CTDP1: variants seen among roughly 807,000 people sequenced by gnomAD.
The protein encoded by CTDP1 is RNA polymerase II subunit A C-terminal domain phosphatase.
A neutral mutation model predicts 91.8 loss-of-function variants in CTDP1; 47 were observed. That is an observed-to-expected ratio of 0.51 (90% CI 0.41 to 0.65). The LOEUF (loss-of-function observed/expected upper bound fraction) is 0.65, where lower values mean the gene tolerates loss of function less well. Ranked by LOEUF, CTDP1 falls within the 30% of genes least tolerant of loss-of-function variation. CTDP1 has a pLI of 0.00. For missense variants in CTDP1, 1,272 were observed against 1,373.7 expected (o/e 0.93, Z 1.17); for synonymous variants, 656 against 598.5 (o/e 1.10, Z -1.40).
intron 12 of CTDP1, among the ~76,000 whole-genome samples, chr18:79,741,355 T>C (rs1450880404): frequency 1.3e-5 from 2 of 152,238 alleles, no homozygotes; most frequent in Non-Finnish European, 2.9e-5. Flanking sequence ...CTTTAAAATA[T>C]ACCATAGCCT....
At chr18:79,676,852 C>T (rs1277046510), upstream of CTDP1, among the ~76,000 whole-genome samples, 1 of 152,172 alleles carries the variant, frequency 6.6e-6, no homozygotes, top group Non-Finnish European at 1.5e-5. Context: ...TCTCATGATA[C>T]TTGTAAGATA....
rs977135627 is a variant in CTDP1, at chr18:79,753,974, G to T, written c.*184G>T. 2 of 827,300 alleles carry T rather than the reference G, an allele frequency of 2.4e-6. No individual in the cohort carries two copies. The highest frequency in any genetic ancestry group is 3.4e-5 in the African/African-American group (2 of 58,680). The allele number at this position is 827,300 out of a possible 1,614,324, so 51.2% of individuals were successfully genotyped here. A position where few individuals can be genotyped will look rare whatever the true frequency, so the allele number is the denominator to read the frequency against. On this transcript the variant is annotated 3_prime_UTR_variant, in exon 13 of 13. Coordinates refer to ENST00000613122, the MANE Select transcript of CTDP1 (RefSeq NM_004715.5). The stretch of plus-strand genomic sequence containing the variant: ...GTGTTTTTAAGAAGTTTTACTACAG[G>T]AATGTCTACTTTTGTAAGTGACAGG...
At chr18:79,725,369 C>T (rs2086425415) in intron 10 of CTDP1, among the ~76,000 whole-genome samples, 1 of 152,166 alleles carries the variant, frequency 6.6e-6, no homozygotes. Context: ...GAGAATTCTC[C>T]AGTGAGACCG....
At chr18:79,710,859 C>G (rs1041919068) in intron 6 of CTDP1, among the ~76,000 whole-genome samples, 7 of 152,096 alleles carry the variant, frequency 4.6e-5, no homozygotes, top group African/African-American at 1.7e-4. Context: ...AGCAGTATTT[C>G]TGTATTGATG....
At chr18:79,686,990 C>A (rs12963374) in intron 1 of CTDP1, among the ~76,000 whole-genome samples, 8,922 of 77,882 alleles carry the variant, frequency 0.11, 44 homozygotes, top group African/African-American at 0.26. Flanking sequence ...ACTGGTGGGC[C>A]TGCACCGCAG....
intron 11 of CTDP1, chr18:79,736,138 G>A (rs1414949134): frequency 2.3e-5 from 14 of 618,798 alleles, no homozygotes; most frequent in Admixed American, 1.4e-4. Context: ...CCTGCGAACC[G>A]ACTGGGTTTG....
intron 3 of CTDP1, among the ~76,000 whole-genome samples, chr18:79,696,914 A>G (rs1344413814): frequency 1.3e-5 from 2 of 152,146 alleles, no homozygotes; most frequent in African/African-American, 2.4e-5. Flanking sequence ...GATCTTACAG[A>G]CTTTCAGGGC....
chr18:79,678,057 A>G (rs1007512837), upstream of CTDP1: 3 of 152,216 alleles, frequency 2.0e-5, no homozygotes, highest in Non-Finnish European at 2.9e-5. Context: ...ATAGTCAAAA[A>G]CCCACAGCTA....
intron 1 of CTDP1, among the ~76,000 whole-genome samples, chr18:79,687,984 G>A (rs1233662569): frequency 1.3e-5 from 2 of 152,340 alleles, no homozygotes; most frequent in East Asian, 1.9e-4. Context: ...TTCCAGCCAC[G>A]GCTCTGTGGA....
chr18:79,699,584 ATT>A (rs1274460764), intron 4 of CTDP1, among the ~76,000 whole-genome samples: 1 of 151,564 alleles, frequency 6.6e-6, no homozygotes, highest in Non-Finnish European at 1.5e-5. Flanking sequence ...TTTAATGCCT[ATT>A]TTCTGACAAA....
At chr18:79,719,166 A>G (rs2086282727) in intron 10 of CTDP1, among the ~76,000 whole-genome samples, 3 of 152,226 alleles carry the variant, frequency 2.0e-5, no homozygotes, top group Admixed American at 2.0e-4. Context: ...AACGCGCTCT[A>G]GTTCCTCCCC....
intron 8 of CTDP1, 68 bp downstream of exon 8, chr18:79,715,596 G>C: frequency 7.0e-7 from 1 of 1,421,004 alleles, no homozygotes; most frequent in Non-Finnish European, 9.5e-7. Flanking sequence ...ACTCCTTAGA[G>C]TTGGCATTGC....
intron 11 of CTDP1, among the ~76,000 whole-genome samples, chr18:79,731,200 CAAG>C (rs1478648497): frequency 6.6e-6 from 1 of 152,158 alleles, no homozygotes; most frequent in Non-Finnish European, 1.5e-5. Flanking sequence ...GATGGGGAGT[CAAG>C]AGGATCTGGA....
At chr18:79,752,241 C>T (rs1261636) in intron 12 of CTDP1, among the ~76,000 whole-genome samples, 5 of 151,154 alleles carry the variant, frequency 3.3e-5, no homozygotes, top group Admixed American at 2.0e-4. Context: ...CTAGTGGCAC[C>T]GGCTGGTTAT....
At chr18:79,693,719 AC>A (rs528187509) in intron 1 of CTDP1, among the ~76,000 whole-genome samples, 1 of 151,974 alleles carries the variant, frequency 6.6e-6, no homozygotes, top group South Asian at 2.1e-4. Flanking sequence ...TGTCCTCAGC[AC>A]CGTTCCTCCT....
At chr18:79,689,613 C>T (rs543925642) in intron 1 of CTDP1, among the ~76,000 whole-genome samples, 1 of 152,226 alleles carries the variant, frequency 6.6e-6, no homozygotes, top group African/African-American at 2.4e-5. Flanking sequence ...TGGTGAAACC[C>T]CATCTCTACT....
At position 79,715,374 on chromosome 18, in the gene CTDP1, C is replaced by T; in HGVS notation, c.1914C>T (p.Ala638=). The part of the protein sequence containing the change: ...ELKSKVLADV[A]IIFSGLHPTN... ...AGAGCAAGGTGCTGGCAGACGTGGC[C>T]ATAATTTTCAGTGGGCTACACCCGA... Residue 638 remains alanine (A), a synonymous_variant, in exon 8 of 13, where the codon GCC becomes GCT. Transcript: ENST00000613122. 1 of 1,607,826 alleles carries T rather than the reference C, an allele frequency of 6.2e-7. No homozygotes were observed. The highest frequency in any genetic ancestry group is 8.5e-7 in the Non-Finnish European group (1 of 1,177,108).
intron 10 of CTDP1, among the ~76,000 whole-genome samples, chr18:79,725,366 C>T (rs2086425261): frequency 6.6e-6 from 1 of 152,198 alleles, no homozygotes; most frequent in Admixed American, 6.5e-5. Flanking sequence ...CGGGAGAATT[C>T]TCCAGTGAGA....
At chr18:79,685,080 A>G in intron 1 of CTDP1, among the ~76,000 whole-genome samples, 2 of 152,076 alleles carry the variant, frequency 1.3e-5, no homozygotes, top group Non-Finnish European at 2.9e-5. Flanking sequence ...GGTCCTGGTG[A>G]GGAGGACGGT....
Sources: gnomAD v4.1 joint callset for allele counts (sites outside exome capture counted in the v4.1 genomes callset) on GRCh38, gnomAD v4.1.1 for gene constraint, MANE v1.5 for transcripts, NCBI Gene and HGNC (gene_info 2026-07-23, HGNC 2026-07-21) for gene names.